TMEM163: variants seen among roughly 807,000 people sequenced by gnomAD.
TMEM163 encodes the protein transmembrane protein 163.
Under a neutral mutation model 29.3 loss-of-function variants are expected in TMEM163, and 17 were observed. That is an observed-to-expected ratio of 0.58 (90% CI 0.40 to 0.87). TMEM163 has a LOEUF of 0.87. Ranked by LOEUF, TMEM163 falls within the 40% of genes least tolerant of loss-of-function variation. The pLI, the probability that TMEM163 is intolerant of heterozygous loss-of-function variation, is 0.00. For synonymous variants in TMEM163, 157 were observed against 160.6 expected, an observed-to-expected ratio of 0.98 and a Z score of 0.17; for missense variants, 303 against 381.5, an observed-to-expected ratio of 0.79 and a Z score of 1.71.
intron 2 of TMEM163, among the ~76,000 whole-genome samples, chr2:134,663,778 C>T (rs559894138): frequency 6.6e-6 from 1 of 152,336 alleles, no homozygotes; most frequent in South Asian, 2.1e-4. Context: ...CGCCGGCTGC[C>T]CAGCTAACAG....
intron 2 of TMEM163, among the ~76,000 whole-genome samples, chr2:134,692,561 G>A (rs1377907834): frequency 6.6e-6 from 1 of 152,122 alleles, no homozygotes; most frequent in African/African-American, 2.4e-5. Context: ...CAAGATCCAG[G>A]GGCTGGGAGG....
intron 4 of TMEM163, among the ~76,000 whole-genome samples, chr2:134,510,827 TGG>T (rs1558928204): frequency 6.6e-6 from 1 of 152,152 alleles, no homozygotes; most frequent in Non-Finnish European, 1.5e-5. Context: ...GCCATTTTCC[TGG>T]GGCTTCCAGG....
chr2:134,601,672 G>A (rs1386423052), intron 2 of TMEM163, among the ~76,000 whole-genome samples: 4 of 152,166 alleles, frequency 2.6e-5, no homozygotes, highest in African/African-American at 7.2e-5. Context: ...GTATGCAGCC[G>A]GCACTGTGTG....
At chr2:134,545,275 C>T (rs907265067) in intron 4 of TMEM163, among the ~76,000 whole-genome samples, 5 of 152,164 alleles carry the variant, frequency 3.3e-5, no homozygotes, top group African/African-American at 1.2e-4. Context: ...GAGGCTGGCT[C>T]CCTTCTCTCC....
chr2:134,662,083 G>A (rs370326056), intron 2 of TMEM163, among the ~76,000 whole-genome samples: 19 of 151,826 alleles, frequency 1.3e-4, no homozygotes, highest in African/African-American at 3.9e-4. Context: ...CTACAGGCGC[G>A]TGCCACCACA....
intron 2 of TMEM163, among the ~76,000 whole-genome samples, chr2:134,635,320 A>C (rs1574297702): frequency 6.6e-6 from 1 of 152,254 alleles, no homozygotes; most frequent in Middle Eastern, 3.4e-3. Context: ...GGCTCTGTGC[A>C]TCCCTGAGCC....
At chr2:134,482,823 G>C (rs1679224117) in intron 5 of TMEM163, among the ~76,000 whole-genome samples, 1 of 152,172 alleles carries the variant, frequency 6.6e-6, no homozygotes, top group Non-Finnish European at 1.5e-5. Context: ...GGAGGGTCAA[G>C]AGTTGATGTT....
chr2:134,457,449 A>G (rs529842016), intron 7 of TMEM163, among the ~76,000 whole-genome samples: 5 of 152,112 alleles, frequency 3.3e-5, no homozygotes, highest in Non-Finnish European at 7.4e-5. Flanking sequence ...TAGCCATCCT[A>G]CCTTTCCTTG....
chr2:134,600,315 C>G (rs1682198475), intron 2 of TMEM163, among the ~76,000 whole-genome samples: 1 of 152,102 alleles, frequency 6.6e-6, no homozygotes, highest in Non-Finnish European at 1.5e-5. Context: ...TGCCTCTGAT[C>G]CAACAGGATA....
intron 2 of TMEM163, among the ~76,000 whole-genome samples, chr2:134,712,322 T>C (rs1248216140): frequency 6.6e-6 from 1 of 152,224 alleles, no homozygotes; most frequent in Non-Finnish European, 1.5e-5. Context: ...ACACATAGCT[T>C]GTCTTCTAGC....
intron 2 of TMEM163, among the ~76,000 whole-genome samples, chr2:134,658,891 C>G (rs779942259): frequency 6.6e-6 from 1 of 152,156 alleles, no homozygotes; most frequent in Non-Finnish European, 1.5e-5. Context: ...GCCACAGCAC[C>G]CAGCCTGAAA....
rs80102681 is a variant in TMEM163, at chr2:134,523,685, A to G, written c.459-20688T>C. The stretch of plus-strand genomic sequence containing the variant: ...AGGCATTTAGGATCAGTCTAGAGGT[A>G]GACAAGTGGTTTTTCTCCTAGTCAA... On this transcript the variant is annotated intron_variant, in intron 4 of 7. Transcript: ENST00000281924. 9.5e-3 allele frequency among the ~76,000 whole-genome samples: 1,443 copies of G among 152,290 alleles called. 29 individuals carry two copies. The highest frequency in any genetic ancestry group is 0.033 in the African/African-American group (1,358 of 41,548).
intron 6 of TMEM163, among the ~76,000 whole-genome samples, chr2:134,462,132 C>A (rs1202949193): frequency 6.7e-6 from 1 of 148,626 alleles, no homozygotes; most frequent in Non-Finnish European, 1.5e-5. Flanking sequence ...GGAACAGGCT[C>A]GGGGGCGGGG....
intron 4 of TMEM163, among the ~76,000 whole-genome samples, chr2:134,543,735 G>A (rs923921029): frequency 3.9e-5 from 6 of 152,210 alleles, no homozygotes; most frequent in East Asian, 1.9e-4. Context: ...TTTTCAGGCC[G>A]ATGCATTTGG....
intron 2 of TMEM163, among the ~76,000 whole-genome samples, chr2:134,565,111 G>A (rs1199595796): frequency 4.0e-5 from 6 of 151,864 alleles, no homozygotes; most frequent in African/African-American, 9.7e-5. Context: ...GGTAGCGCGT[G>A]CCTGTAATCC....
intron 2 of TMEM163, among the ~76,000 whole-genome samples, chr2:134,699,116 T>C (rs763758384): frequency 2.0e-5 from 3 of 152,226 alleles, no homozygotes; most frequent in Non-Finnish European, 4.4e-5. Flanking sequence ...CAAGTATTAA[T>C]AGCTCACAGA....
At chr2:134,513,552 C>T (rs1387110137) in intron 4 of TMEM163, among the ~76,000 whole-genome samples, 1 of 152,146 alleles carries the variant, frequency 6.6e-6, no homozygotes, top group Non-Finnish European at 1.5e-5. Context: ...GCTGTATAAA[C>T]GTTCTTGCGA....
intron 2 of TMEM163, among the ~76,000 whole-genome samples, chr2:134,599,806 TAC>T (rs1328437007): frequency 2.0e-5 from 3 of 151,898 alleles, no homozygotes; most frequent in Middle Eastern, 3.4e-3. Flanking sequence ...GTGTTGAGAT[TAC>T]AGGCATAAGC....
chr2:134,703,859 A>G (rs1684752963), intron 2 of TMEM163, among the ~76,000 whole-genome samples: 1 of 152,024 alleles, frequency 6.6e-6, no homozygotes, highest in South Asian at 2.1e-4. Context: ...AAAAAAAAAA[A>G]AAAGATCGAA....
Sources: allele counts gnomAD v4.1 joint callset (sites outside exome capture counted in the v4.1 genomes callset), GRCh38; gene constraint gnomAD v4.1.1; transcripts MANE v1.5; gene names NCBI Gene and HGNC (gene_info 2026-07-23, HGNC 2026-07-21).